ANO4: variants seen among roughly 807,000 people sequenced by gnomAD.
ANO4 encodes anoctamin 4, also known as anoctamin-4.
A neutral mutation model predicts 141.9 loss-of-function variants in ANO4; 69 were observed. The ratio of observed to expected loss-of-function variants is 0.49; its 90% CI spans 0.40 to 0.59. The LOEUF (loss-of-function observed/expected upper bound fraction) is 0.59, where lower values mean the gene tolerates loss of function less well. ANO4 is among the 20% of genes least tolerant of loss of function. The pLI is 0.00. For missense variants in ANO4, 894 were observed against 1,162.2 expected (o/e 0.77, Z 3.36); for synonymous variants, 350 against 394.3 (o/e 0.89, Z 1.33).
chr12:100,734,884 G>A (rs2031539092), intron 2 of ANO4, among the ~76,000 whole-genome samples: 1 of 152,164 alleles, frequency 6.6e-6, no homozygotes, highest in Non-Finnish European at 1.5e-5. Flanking sequence ...AATTGATTTT[G>A]CAGATGAGAT....
At chr12:100,817,326 A>G (rs2035792132) in intron 1 of ANO4, among the ~76,000 whole-genome samples, 1 of 151,876 alleles carries the variant, frequency 6.6e-6, no homozygotes, top group South Asian at 2.1e-4. Flanking sequence ...GGTTTCCAGC[A>G]GACACAACCT....
At chr12:100,720,607 G>T (rs1383181005) in intron 1 of ANO4, among the ~76,000 whole-genome samples, 1 of 151,938 alleles carries the variant, frequency 6.6e-6, no homozygotes. Flanking sequence ...TTCTGCTAAT[G>T]CTGATGTTTG....
At chr12:100,798,232 T>A (rs905356614) in intron 1 of ANO4, among the ~76,000 whole-genome samples, 8 of 152,192 alleles carry the variant, frequency 5.3e-5, no homozygotes, top group African/African-American at 1.9e-4. Context: ...ATGAACCATA[T>A]CATTAGAATG....
chr12:101,064,170 T>A (rs1334439588), intron 14 of ANO4, among the ~76,000 whole-genome samples: 1 of 152,200 alleles, frequency 6.6e-6, no homozygotes, highest in Non-Finnish European at 1.5e-5. Flanking sequence ...AAATTTCCTC[T>A]AAGCACTGCT....
chr12:101,092,516 C>T (rs2049819488), intron 17 of ANO4, among the ~76,000 whole-genome samples: 1 of 152,148 alleles, frequency 6.6e-6, no homozygotes, highest in African/African-American at 2.4e-5. Context: ...ATGTGGAGAT[C>T]TCTGAGCGGC....
At chr12:101,080,404 G>A (rs2049198504) in intron 15 of ANO4, among the ~76,000 whole-genome samples, 1 of 152,122 alleles carries the variant, frequency 6.6e-6, no homozygotes, top group Non-Finnish European at 1.5e-5. Flanking sequence ...ACAACAGGAG[G>A]TTTTGATACA....
Position 101,097,886 on chromosome 12 carries a change from A to G in ANO4, c.1947A>G (p.Gln649=), listed in dbSNP as rs2050046263. The change falls in exon 21 of 28, where the codon CAA becomes CAG. Residue 649 remains glutamine, a synonymous_variant. Coordinates refer to ENST00000392977, the MANE Select transcript of ANO4 (RefSeq NM_001286615.2). ...PSGCLIDLCM[Q]MGIIMVLKQT... ...GATGCCTTATTGATCTGTGTATGCA[A>G]ATGGGTATTATAATGGTGCTAAAGC... 15 of 1,613,884 alleles carry G rather than the reference A, an allele frequency of 9.3e-6. No homozygotes were observed. Among genetic ancestry groups the G allele is most frequent in the Non-Finnish European group, 1.3e-5 (15 of 1,179,834 alleles).
chr12:100,825,074 C>T (rs1055365398), intron 1 of ANO4, among the ~76,000 whole-genome samples: 2 of 151,794 alleles, frequency 1.3e-5, no homozygotes, highest in South Asian at 2.1e-4. Flanking sequence ...ATCTTTTTAC[C>T]GTGGTATCAT....
chr12:100,717,408 C>T (rs1462141820), upstream of ANO4: 1 of 374,076 alleles, frequency 2.7e-6, no homozygotes, highest in African/African-American at 2.1e-5. Flanking sequence ...CCGCGGAGCG[C>T]CCGGGCGCCG....
rs1555296548 is a variant in ANO4, at chr12:101,080,883, T to TTTTATATATA, written c.1395+1609_1395+1610insTTATATATAT. ...GGTTCTAGATATATATATATATATATTATATATATATATATATACATACAC... is the reference window on the plus strand; with the variant it reads ...GGTTCTAGATATATATATATATATATTTTATATATATATATATATATATATATACATACAC... On this transcript the variant is annotated intron_variant, in intron 15 of 27. Coordinates refer to ENST00000392977, the MANE Select transcript of ANO4 (RefSeq NM_001286615.2). Among the ~76,000 whole-genome samples the TTTTATATATA allele has an allele frequency of 8.1e-5, 6 of 74,102 alleles. No homozygotes were observed. The East Asian group carries it at 1.7e-3, about 21-fold the overall frequency. 48.6% of individuals were successfully genotyped at this position (74,102 alleles called of 152,430 possible).
intron 1 of ANO4, among the ~76,000 whole-genome samples, chr12:100,897,111 C>A (rs1370729183): frequency 6.6e-6 from 1 of 152,196 alleles, no homozygotes; most frequent in Admixed American, 6.5e-5. Flanking sequence ...CTCACCTTAT[C>A]CCCCAAGGTG....
intron 1 of ANO4, among the ~76,000 whole-genome samples, chr12:100,822,088 T>G (rs568883290): frequency 4.9e-4 from 75 of 152,038 alleles, no homozygotes; most frequent in African/African-American, 1.8e-3. Context: ...TACTTTACTC[T>G]TGGACAGAAC....
chr12:101,061,270 C>G (rs1213585011), intron 14 of ANO4, among the ~76,000 whole-genome samples: 1 of 152,028 alleles, frequency 6.6e-6, no homozygotes, highest in Non-Finnish European at 1.5e-5. Context: ...GATGGGCTTC[C>G]CTTTGTGGGT....
chr12:101,112,475 A>T (rs1340992662), intron 24 of ANO4, among the ~76,000 whole-genome samples: 1 of 152,264 alleles, frequency 6.6e-6, no homozygotes, highest in East Asian at 1.9e-4. Context: ...TAAAGCCAAA[A>T]TAGTTAAACT....
intron 1 of ANO4, among the ~76,000 whole-genome samples, chr12:100,844,183 G>A (rs558050384): frequency 9.5e-4 from 144 of 152,134 alleles, no homozygotes; most frequent in African/African-American, 3.0e-3. Context: ...ATAGTGTTAA[G>A]GCCTGTGAAG....
chr12:100,982,023 C>T (rs2044488050), intron 7 of ANO4, among the ~76,000 whole-genome samples: 1 of 152,108 alleles, frequency 6.6e-6, no homozygotes, highest in African/African-American at 2.4e-5. Context: ...TCAGCTCTTC[C>T]CAGGTACCCG....
chr12:100,982,554 C>T (rs2044518232), intron 7 of ANO4, among the ~76,000 whole-genome samples: 2 of 152,182 alleles, frequency 1.3e-5, no homozygotes, highest in Admixed American at 1.3e-4. Flanking sequence ...ATTATTGTCA[C>T]CATAATTTTC....
At chr12:100,968,253 A>G (rs1234109165) in intron 5 of ANO4, among the ~76,000 whole-genome samples, 2 of 127,156 alleles carry the variant, frequency 1.6e-5, no homozygotes, top group Non-Finnish European at 3.2e-5. Flanking sequence ...TAGCTTTTCT[A>G]CATATAGAAA....
chr12:101,076,902 T>G (rs752711513), intron 14 of ANO4, among the ~76,000 whole-genome samples: 4 of 152,022 alleles, frequency 2.6e-5, no homozygotes, highest in Non-Finnish European at 4.4e-5. Flanking sequence ...CAAAGACAGT[T>G]TGGTGAGGCA....
Sources: gnomAD v4.1 joint callset for allele counts (sites outside exome capture counted in the v4.1 genomes callset) on GRCh38, gnomAD v4.1.1 for gene constraint, MANE v1.5 for transcripts, NCBI Gene and HGNC (gene_info 2026-07-23, HGNC 2026-07-21) for gene names.